DOCK3: variants seen among roughly 807,000 people sequenced by gnomAD.
DOCK3 encodes dedicator of cytokinesis 3.
Under a neutral mutation model 265.6 loss-of-function variants are expected in DOCK3, and 60 were observed. That is an observed-to-expected ratio of 0.23 (90% CI 0.18 to 0.28). The LOEUF (loss-of-function observed/expected upper bound fraction) is 0.28, where lower values mean the gene tolerates loss of function less well. Among genes scored for constraint, DOCK3 ranks in the 10% least tolerant of loss-of-function variants. DOCK3 has a pLI of 1.00. For missense variants in DOCK3, 1,981 were observed against 2,594.3 expected (o/e 0.76, Z 5.14); for synonymous variants, 881 against 938.0 (o/e 0.94, Z 1.11).
At chr3:50,940,286 T>G (rs2076252733) in intron 5 of DOCK3, among the ~76,000 whole-genome samples, 1 of 34,084 alleles carries the variant, frequency 2.9e-5, no homozygotes, top group Admixed American at 4.3e-4. Context: ...ATCCCATTTC[T>G]ACCAAAAAAA....
intron 2 of DOCK3, among the ~76,000 whole-genome samples, chr3:50,798,007 C>G: frequency 6.6e-6 from 1 of 152,174 alleles, no homozygotes; most frequent in Non-Finnish European, 1.5e-5. Context: ...TGTAACTCTT[C>G]TTGTAATGAT....
intron 3 of DOCK3, among the ~76,000 whole-genome samples, chr3:50,873,674 G>T (rs1018899754): frequency 6.6e-6 from 1 of 152,190 alleles, no homozygotes; most frequent in African/African-American, 2.4e-5. Flanking sequence ...TAGAGCCCCA[G>T]AGCCTTTAGC....
rs145493039 is a variant in DOCK3, at chr3:50,850,675, A to G, written c.162+8960A>G. ...ATTTTTTCTTTTTCTTTCTTTCCCT[A>G]TGATATTGTTTTGTTTGTTTTCCCT... is the stretch of plus-strand genomic sequence containing the variant. On this transcript the variant is annotated intron_variant, in intron 3 of 52. Transcript: ENST00000266037. Among the ~76,000 whole-genome samples, 384 of 151,978 alleles carry G rather than the reference A, an allele frequency of 2.5e-3. 3 individuals are homozygous for G. Among genetic ancestry groups the G allele is most frequent in the African/African-American group, 8.9e-3 (368 of 41,442 alleles).
intron 5 of DOCK3, among the ~76,000 whole-genome samples, chr3:51,062,448 A>C (rs2081442431): frequency 6.6e-6 from 1 of 152,140 alleles, no homozygotes. Flanking sequence ...ACCTTACTTC[A>C]TTCAGGTGTA....
intron 5 of DOCK3, among the ~76,000 whole-genome samples, chr3:50,998,261 C>T (rs1575714288): frequency 6.6e-6 from 1 of 152,092 alleles, no homozygotes. Flanking sequence ...TACTCCAGAC[C>T]TGGGACTTTG....
intron 12 of DOCK3, among the ~76,000 whole-genome samples, chr3:51,167,084 G>C (rs2086442313): frequency 6.6e-6 from 1 of 152,156 alleles, no homozygotes; most frequent in Admixed American, 6.5e-5. Flanking sequence ...TAGTTTTACA[G>C]TTTTAGGTCT....
At chr3:51,369,155 C>A (rs540512049) in intron 49 of DOCK3, among the ~76,000 whole-genome samples, 1 of 152,230 alleles carries the variant, frequency 6.6e-6, no homozygotes, top group Non-Finnish European at 1.5e-5. Flanking sequence ...AACGCAGCTC[C>A]TCGCCAGCAA....
intron 9 of DOCK3, among the ~76,000 whole-genome samples, chr3:51,094,011 A>T (rs2082731622): frequency 6.6e-6 from 1 of 152,194 alleles, no homozygotes; most frequent in Non-Finnish European, 1.5e-5. Context: ...CCTCCCAGGG[A>T]TGAAGCCAAC....
At chr3:51,251,878 G>T (rs190122156) in intron 22 of DOCK3, among the ~76,000 whole-genome samples, 10 of 152,184 alleles carry the variant, frequency 6.6e-5, no homozygotes, top group East Asian at 5.8e-4. Context: ...AGATCCCATT[G>T]GTCAATTTTG....
intron 5 of DOCK3, among the ~76,000 whole-genome samples, chr3:50,942,234 T>C (rs1194438083): frequency 6.6e-6 from 1 of 152,030 alleles, no homozygotes; most frequent in Non-Finnish European, 1.5e-5. Flanking sequence ...ATTGTCAATA[T>C]GATTGACATT....
chr3:50,908,899 C>T (rs988868389), intron 4 of DOCK3, among the ~76,000 whole-genome samples: 1 of 151,904 alleles, frequency 6.6e-6, no homozygotes, highest in Non-Finnish European at 1.5e-5. Flanking sequence ...GGGTGCTGCT[C>T]TATTGGGTGC....
At chr3:50,801,293 C>T (rs1482495053) in intron 2 of DOCK3, among the ~76,000 whole-genome samples, 2 of 151,896 alleles carry the variant, frequency 1.3e-5, no homozygotes, top group Admixed American at 1.3e-4. Context: ...TTCTGATTGG[C>T]TAATTTAAAG....
intron 27 of DOCK3, among the ~76,000 whole-genome samples, chr3:51,282,896 A>G (rs754863702): frequency 6.6e-6 from 1 of 152,198 alleles, no homozygotes. Flanking sequence ...AAAGCAAACT[A>G]CAAACCAATA....
At chr3:51,241,065 GTCTTT>G (rs983556778) in intron 21 of DOCK3, among the ~76,000 whole-genome samples, 5 of 152,278 alleles carry the variant, frequency 3.3e-5, no homozygotes, top group African/African-American at 9.6e-5. Flanking sequence ...GCTGGTATTG[GTCTTT>G]TCTTTGCGTA....
chr3:51,269,119 G>GTCTC (rs370203478), intron 23 of DOCK3, among the ~76,000 whole-genome samples: 2 of 145,790 alleles, frequency 1.4e-5, no homozygotes, highest in East Asian at 2.0e-4. Context: ...CTCTCTCACT[G>GTCTC]TCTCTCTCTC....
At chr3:50,790,896 T>G (rs568933400) in intron 2 of DOCK3, among the ~76,000 whole-genome samples, 5 of 152,346 alleles carry the variant, frequency 3.3e-5, no homozygotes, top group African/African-American at 1.2e-4. Context: ...ATATGCTTCT[T>G]GGCCACATGA....
intron 12 of DOCK3, among the ~76,000 whole-genome samples, chr3:51,190,431 G>A (rs901744722): frequency 2.0e-5 from 3 of 152,214 alleles, no homozygotes; most frequent in African/African-American, 7.2e-5. Context: ...AATAGCCTTA[G>A]TGTGTTGACT....
At chr3:51,242,684 G>A (rs1374914424) in intron 21 of DOCK3, among the ~76,000 whole-genome samples, 1 of 152,152 alleles carries the variant, frequency 6.6e-6, no homozygotes, top group Non-Finnish European at 1.5e-5. Flanking sequence ...TCTCTGCACA[G>A]TGTTAGAGCA....
At chr3:50,873,002 C>T (rs2047507366) in intron 3 of DOCK3, among the ~76,000 whole-genome samples, 1 of 151,726 alleles carries the variant, frequency 6.6e-6, no homozygotes, top group Non-Finnish European at 1.5e-5. Flanking sequence ...AATCAGGGAC[C>T]CAAGAGCCTG....
Sources: allele counts gnomAD v4.1 joint callset (sites outside exome capture counted in the v4.1 genomes callset), GRCh38; gene constraint gnomAD v4.1.1; transcripts MANE v1.5; gene names NCBI Gene and HGNC (gene_info 2026-07-23, HGNC 2026-07-21).